Variants in TEX11 observed in about 807,000 individuals in gnomAD.
The protein encoded by TEX11 is testis-expressed protein 11.
In TEX11, 7 loss-of-function variants were observed where a neutral mutation model predicts 84.4. The ratio of observed to expected loss-of-function variants is 0.08; its 90% CI spans 0.05 to 0.16. The LOEUF (loss-of-function observed/expected upper bound fraction) is 0.16. Ranked by LOEUF, TEX11 falls within the 10% of genes least tolerant of loss-of-function variation. The probability of loss-of-function intolerance (pLI) is 1.00; values close to 1 mark genes in which losing one functional copy is unlikely to be tolerated. For synonymous variants in TEX11, 264 were observed against 222.8 expected (o/e 1.18, Z -1.64); for missense variants, 551 against 660.5 (o/e 0.83, Z 1.82).
intron 2 of TEX11, among the ~76,000 whole-genome samples, chrX:70,905,253 G>A (rs62608084): frequency 0.28 from 31,041 of 110,074 alleles, 3,635 homozygotes; most frequent in Middle Eastern, 0.46. Context: ...AACCCGGGAG[G>A]CGTGGAAGTT....
At chrX:70,564,365 A>G (rs1171678422) in intron 25 of TEX11, among the ~76,000 whole-genome samples, 1 of 111,575 alleles carries the variant, frequency 9.0e-6, no homozygotes, top group Non-Finnish European at 1.9e-5. Context: ...TCCATAAGAG[A>G]TATTTGTATG....
chrX:70,700,985 G>A (rs1195202934), intron 13 of TEX11, among the ~76,000 whole-genome samples: 2 of 111,579 alleles, frequency 1.8e-5, no homozygotes, highest in Admixed American at 9.6e-5. Flanking sequence ...GAGAGGTGAG[G>A]AAGCTTCAGA....
At chrX:70,812,209 A>ATTT (rs60068893) in intron 8 of TEX11, among the ~76,000 whole-genome samples, 1 of 101,080 alleles carries the variant, frequency 9.9e-6, no homozygotes, top group Non-Finnish European at 2.0e-5. Context: ...TCTTGAATTA[A>ATTT]TTTTTTTTTT....
chrX:70,752,414 G>C (rs2090833411), intron 9 of TEX11, among the ~76,000 whole-genome samples: 1 of 106,330 alleles, frequency 9.4e-6, no homozygotes, highest in Admixed American at 1.0e-4. Context: ...AATCCCAGCT[G>C]TTCGGGAGGC....
intron 13 of TEX11, among the ~76,000 whole-genome samples, chrX:70,715,889 T>G (rs2090494839): frequency 9.0e-6 from 1 of 111,229 alleles, no homozygotes; most frequent in Admixed American, 9.6e-5. Flanking sequence ...GTTTCCAGTT[T>G]TTCTGCTCTG....
At chrX:70,752,906 G>C (rs956760582) in intron 9 of TEX11, among the ~76,000 whole-genome samples, 3 of 110,382 alleles carry the variant, frequency 2.7e-5, no homozygotes. Context: ...GGGGGAAGGA[G>C]AGCACAACAA....
chrX:70,615,234 G>T (rs1214184227), intron 20 of TEX11, among the ~76,000 whole-genome samples: 1 of 111,676 alleles, frequency 9.0e-6, no homozygotes, highest in Non-Finnish European at 1.9e-5. Context: ...AGAAACAGAG[G>T]TATGTGACCA....
At chrX:70,779,842 A>C (rs1284509610) in intron 9 of TEX11, among the ~76,000 whole-genome samples, 1 of 112,345 alleles carries the variant, frequency 8.9e-6, no homozygotes, top group Non-Finnish European at 1.9e-5. Context: ...GAATCAGAAA[A>C]TCTGAACAAA....
chrX:70,891,955 A>G (rs778136704), intron 2 of TEX11, among the ~76,000 whole-genome samples: 13 of 111,516 alleles, frequency 1.2e-4, no homozygotes, highest in Admixed American at 1.9e-4. Context: ...GTTGAAACGA[A>G]GGAAAACATG....
At chrX:70,523,929 T>C in the TEX11 span, among the ~76,000 whole-genome samples, 2 of 110,919 alleles carry the variant, frequency 1.8e-5, no homozygotes, top group Non-Finnish European at 3.8e-5. Context: ...TTATAAACCC[T>C]TTACCTAAGA....
intron 9 of TEX11, among the ~76,000 whole-genome samples, chrX:70,746,653 A>G (rs2090769472): frequency 8.9e-6 from 1 of 112,321 alleles, no homozygotes. Context: ...TATTTAAAAC[A>G]GAGCATGGAG....
intron 2 of TEX11, among the ~76,000 whole-genome samples, chrX:70,882,907 T>C (rs2091690652): frequency 8.9e-6 from 1 of 112,570 alleles, no homozygotes; most frequent in African/African-American, 3.2e-5. Flanking sequence ...TAATGTTTTA[T>C]TAACTCATTT....
At chrX:70,761,234 A>G (rs1158067930) in intron 9 of TEX11, among the ~76,000 whole-genome samples, 3 of 111,931 alleles carry the variant, frequency 2.7e-5, no homozygotes, top group Non-Finnish European at 5.6e-5. Context: ...TAGAAATACC[A>G]TTTGACCCAG....
At chrX:70,663,650 A>G (rs1212018828) in intron 16 of TEX11, among the ~76,000 whole-genome samples, 2 of 111,850 alleles carry the variant, frequency 1.8e-5, no homozygotes, top group African/African-American at 6.5e-5. Flanking sequence ...ATGGGGTTAC[A>G]TCCTGATAAA....
chrX:70,771,834 G>A (rs1430966668), intron 9 of TEX11, among the ~76,000 whole-genome samples: 1 of 111,601 alleles, frequency 9.0e-6, no homozygotes, highest in Non-Finnish European at 1.9e-5. Context: ...CTGCCCCAGC[G>A]CCAAGTTAGC....
At chrX:70,790,259 A>G (rs2091109922) in intron 9 of TEX11, among the ~76,000 whole-genome samples, 1 of 111,786 alleles carries the variant, frequency 8.9e-6, no homozygotes, top group African/African-American at 3.3e-5. Flanking sequence ...TCACACTTCA[A>G]ACACATCTTT....
At chrX:70,633,897 G>A (rs1357771353) in intron 17 of TEX11, among the ~76,000 whole-genome samples, 3 of 111,468 alleles carry the variant, frequency 2.7e-5, no homozygotes, top group African/African-American at 6.5e-5. Context: ...CAGCCTAGGT[G>A]ACAGAACAGG....
At chrX:70,780,394 CAGA>C (rs2091030858) in intron 9 of TEX11, among the ~76,000 whole-genome samples, 1 of 112,869 alleles carries the variant, frequency 8.9e-6, no homozygotes, top group African/African-American at 3.2e-5. Flanking sequence ...GTGATCGACG[CAGA>C]AGATGGGTGA....
chrX:70,562,532 A>T (rs1351160106), intron 25 of TEX11, among the ~76,000 whole-genome samples: 3 of 112,311 alleles, frequency 2.7e-5, no homozygotes, highest in African/African-American at 9.7e-5. Context: ...ATCAAAACAG[A>T]GTTTTTCAAA....
Sources: gnomAD v4.1 joint callset for allele counts (sites outside exome capture counted in the v4.1 genomes callset) on GRCh38, gnomAD v4.1.1 for gene constraint, MANE v1.5 for transcripts, NCBI Gene and HGNC (gene_info 2026-07-23, HGNC 2026-07-21) for gene names.